Variants in ATP8A2 observed in about 807,000 individuals in gnomAD.
ATP8A2 encodes the protein phospholipid-transporting ATPase IB.
Under a neutral mutation model 165.6 loss-of-function variants are expected in ATP8A2, and 100 were observed. The observed-to-expected ratio is 0.60, with a 90% CI of 0.51 to 0.71. The LOEUF (loss-of-function observed/expected upper bound fraction) is 0.71, where lower values mean the gene tolerates loss of function less well. Ranked by LOEUF, ATP8A2 falls within the 30% of genes least tolerant of loss-of-function variation. ATP8A2 has a pLI of 0.00. For synonymous variants in ATP8A2, 543 were observed against 548.8 expected (o/e 0.99, Z 0.15); for missense variants, 1,227 against 1,479.5 (o/e 0.83, Z 2.80).
chr13:25,777,326 G>C (rs970975746), intron 27 of ATP8A2, among the ~76,000 whole-genome samples: 1 of 151,928 alleles, frequency 6.6e-6, no homozygotes, highest in Admixed American at 6.6e-5. Flanking sequence ...TACTTCTTTC[G>C]CATCAACATG....
At chr13:25,415,375 A>C (rs2034102795) in intron 1 of ATP8A2, among the ~76,000 whole-genome samples, 1 of 152,068 alleles carries the variant, frequency 6.6e-6, no homozygotes, top group South Asian at 2.1e-4. Context: ...CCATCTGTAC[A>C]ACTAAGGCCC....
chr13:25,971,958 G>C (rs903985361), intron 35 of ATP8A2, among the ~76,000 whole-genome samples: 5 of 152,206 alleles, frequency 3.3e-5, no homozygotes, highest in Non-Finnish European at 5.9e-5. Flanking sequence ...GGCTTACTCA[G>C]CTCAGTCCTG....
chr13:25,610,575 T>G (rs1049088305), intron 24 of ATP8A2, among the ~76,000 whole-genome samples: 1 of 152,166 alleles, frequency 6.6e-6, no homozygotes, highest in African/African-American at 2.4e-5. Flanking sequence ...TTCTTTTTGC[T>G]TAGTCTTGCT....
intron 25 of ATP8A2, among the ~76,000 whole-genome samples, chr13:25,721,819 C>T (rs992686774): frequency 1.3e-4 from 20 of 152,110 alleles, no homozygotes; most frequent in African/African-American, 4.8e-4. Flanking sequence ...ATGGATATAC[C>T]ACATTTTGTT....
intron 2 of ATP8A2, among the ~76,000 whole-genome samples, chr13:25,516,679 T>C (rs981728046): frequency 1.3e-5 from 2 of 152,144 alleles, no homozygotes; most frequent in Non-Finnish European, 2.9e-5. Flanking sequence ...TTAAAAATGA[T>C]CCTTCTCTTG....
At chr13:25,700,380 C>T (rs942140257) in intron 25 of ATP8A2, among the ~76,000 whole-genome samples, 7 of 152,248 alleles carry the variant, frequency 4.6e-5, no homozygotes, top group Middle Eastern at 3.4e-3. Context: ...ATTTTCATCA[C>T]CCCGTAAAGA....
intron 33 of ATP8A2, among the ~76,000 whole-genome samples, chr13:25,920,182 C>G (rs983950894): frequency 6.6e-6 from 1 of 152,140 alleles, no homozygotes; most frequent in African/African-American, 2.4e-5. Context: ...TCGGCCTTTT[C>G]CCTCTTCTGT....
Position 25,790,675 on chromosome 13 carries a change from C to T in ATP8A2, c.2679+15716C>T, listed in dbSNP as rs183853633. ...CAACATTGTACTCCAGCCTGGGCAA[C>T]AAAGTGAGACCTTGTCTCAAAAAAA... On this transcript the variant is annotated intron_variant, in intron 27 of 36. Coordinates refer to ENST00000381655, the MANE Select transcript of ATP8A2 (RefSeq NM_016529.6). Among the ~76,000 whole-genome samples the T allele has an allele frequency of 4.8e-3, 648 of 136,410 alleles. 7 individuals carry two copies. The highest frequency in any genetic ancestry group is 0.017 in the African/African-American group (626 of 36,368). The allele number at this position is 136,410 out of a possible 152,430, so 89.5% of individuals were successfully genotyped here.
intron 2 of ATP8A2, among the ~76,000 whole-genome samples, chr13:25,513,112 C>A (rs1444083968): frequency 1.3e-5 from 2 of 152,016 alleles, no homozygotes; most frequent in Non-Finnish European, 2.9e-5. Context: ...ACGCTCCTCA[C>A]TTCCCAGACG....
intron 2 of ATP8A2, among the ~76,000 whole-genome samples, chr13:25,522,330 A>G (rs2037698422): frequency 6.6e-6 from 1 of 152,198 alleles, no homozygotes; most frequent in African/African-American, 2.4e-5. Context: ...GTATCCTGCA[A>G]CTTACAATCA....
intron 16 of ATP8A2, among the ~76,000 whole-genome samples, chr13:25,567,788 C>T (rs1204123948): frequency 6.6e-6 from 1 of 152,186 alleles, no homozygotes; most frequent in Non-Finnish European, 1.5e-5. Flanking sequence ...AGCTGCACTA[C>T]AATAATGAAG....
At chr13:25,813,712 C>A (rs989266031) in intron 27 of ATP8A2, among the ~76,000 whole-genome samples, 2 of 152,056 alleles carry the variant, frequency 1.3e-5, no homozygotes, top group Non-Finnish European at 2.9e-5. Context: ...GTTATATGAA[C>A]TTTACTGAGC....
intron 2 of ATP8A2, among the ~76,000 whole-genome samples, chr13:25,528,270 A>G (rs568910702): frequency 1.2e-4 from 19 of 152,308 alleles, no homozygotes; most frequent in African/African-American, 3.8e-4. Flanking sequence ...ATATTGTTTA[A>G]GTTTTAACTC....
intron 28 of ATP8A2, among the ~76,000 whole-genome samples, chr13:25,834,997 T>TGG (rs1268534122): frequency 1.3e-5 from 2 of 151,508 alleles, no homozygotes; most frequent in African/African-American, 4.9e-5. Flanking sequence ...TGTGTGTGTG[T>TGG]GTGTGTAGTA....
chr13:25,537,227 A>G (rs559725532), intron 6 of ATP8A2, among the ~76,000 whole-genome samples: 36 of 152,278 alleles, frequency 2.4e-4, no homozygotes, highest in African/African-American at 8.4e-4. Context: ...TTGAGGCTGT[A>G]CAAATCTTCT....
intron 35 of ATP8A2, among the ~76,000 whole-genome samples, chr13:25,974,524 G>T (rs1955984035): frequency 6.6e-6 from 1 of 152,058 alleles, no homozygotes; most frequent in South Asian, 2.1e-4. Context: ...CCTCAAGACA[G>T]CCTTTGGATT....
chr13:25,816,284 C>A (rs1951017743), intron 27 of ATP8A2, among the ~76,000 whole-genome samples: 1 of 152,174 alleles, frequency 6.6e-6, no homozygotes, highest in Non-Finnish European at 1.5e-5. Context: ...CACAGCTGCT[C>A]ATGTATTTGG....
At chr13:25,844,816 A>G (rs1268105367) in intron 30 of ATP8A2, among the ~76,000 whole-genome samples, 1 of 152,198 alleles carries the variant, frequency 6.6e-6, no homozygotes, top group African/African-American at 2.4e-5. Context: ...TGATGTCACA[A>G]AGACAGGAGG....
At chr13:25,654,000 A>G (rs986813854) in intron 24 of ATP8A2, among the ~76,000 whole-genome samples, 1 of 152,142 alleles carries the variant, frequency 6.6e-6, no homozygotes, top group African/African-American at 2.4e-5. Context: ...AGGTGAGGGA[A>G]AGGTGGGGAC....
Sources: gnomAD v4.1 joint callset for allele counts (sites outside exome capture counted in the v4.1 genomes callset) on GRCh38, gnomAD v4.1.1 for gene constraint, MANE v1.5 for transcripts, NCBI Gene and HGNC (gene_info 2026-07-23, HGNC 2026-07-21) for gene names.